The following BBX variants were observed in gnomAD, a reference collection of about 807,000 sequenced individuals.
BBX encodes the protein HMG box transcription factor BBX.
BBX carries 30 observed loss-of-function variants against 100.2 expected under a neutral mutation model. The ratio of observed to expected loss-of-function variants is 0.30; its 90% CI spans 0.22 to 0.41. The LOEUF (loss-of-function observed/expected upper bound fraction) is 0.41, where lower values mean the gene tolerates loss of function less well. BBX is among the 10% of genes least tolerant of loss of function. The pLI is 1.00. For synonymous variants in BBX, 376 were observed against 388.1 expected, an observed-to-expected ratio of 0.97 and a Z score of 0.37; for missense variants, 1,023 against 1,129.8, an observed-to-expected ratio of 0.91 and a Z score of 1.35.
intron 15 of BBX, among the ~76,000 whole-genome samples, chr3:107,796,213 A>G (rs879485534): frequency 1.8e-4 from 28 of 152,160 alleles, no homozygotes; most frequent in Admixed American, 1.3e-3. Flanking sequence ...CCATTACCCC[A>G]TGGTCTCTGT....
chr3:107,649,617 T>C (rs1346986797), intron 3 of BBX, among the ~76,000 whole-genome samples: 1 of 150,892 alleles, frequency 6.6e-6, no homozygotes, highest in African/African-American at 2.4e-5. Context: ...ATACCTCTGA[T>C]AGACATCCGA....
At chr3:107,718,075 T>TA (rs1345662440) in intron 5 of BBX, among the ~76,000 whole-genome samples, 2 of 151,346 alleles carry the variant, frequency 1.3e-5, no homozygotes, top group African/African-American at 2.4e-5. Context: ...CATAAAAATT[T>TA]AAAAAAATAC....
chr3:107,719,251 A>G (rs889131289), intron 5 of BBX, among the ~76,000 whole-genome samples: 1 of 152,006 alleles, frequency 6.6e-6, no homozygotes, highest in East Asian at 1.9e-4. Context: ...GACGTTGTCC[A>G]TTAGGGTGCA....
intron 14 of BBX, among the ~76,000 whole-genome samples, chr3:107,790,747 C>T (rs1035121013): frequency 5.3e-5 from 8 of 152,132 alleles, no homozygotes; most frequent in Non-Finnish European, 1.0e-4. Context: ...TGAAGCATTC[C>T]GTGTTTCTTG....
chr3:107,571,252 C>A (rs2051336837), intron 2 of BBX, among the ~76,000 whole-genome samples: 1 of 152,024 alleles, frequency 6.6e-6, no homozygotes, highest in Admixed American at 6.6e-5. Context: ...AAGCAGGTGT[C>A]CCCGCAATTG....
chr3:107,577,061 G>A (rs935153698), intron 2 of BBX, among the ~76,000 whole-genome samples: 3 of 151,980 alleles, frequency 2.0e-5, no homozygotes, highest in African/African-American at 7.2e-5. Context: ...GGGTTTCACC[G>A]TCTTGGCCAG....
intron 10 of BBX, among the ~76,000 whole-genome samples, chr3:107,768,890 G>T (rs2066612905): frequency 1.3e-5 from 2 of 151,074 alleles, no homozygotes; most frequent in African/African-American, 2.4e-5. Context: ...AGATGCAGTG[G>T]CACATGCCTG....
At chr3:107,528,354 G>T (rs970868683) in intron 2 of BBX, among the ~76,000 whole-genome samples, 3 of 152,124 alleles carry the variant, frequency 2.0e-5, no homozygotes, top group Non-Finnish European at 4.4e-5. Context: ...TTTAATGCTA[G>T]CTATTGAAAA....
rs1382927983 is a variant in BBX at position 107,613,214 on chromosome 3, G to A, written c.-83-32622G>A. Among the ~76,000 whole-genome samples, 6 of 149,046 alleles carry A rather than the reference G, an allele frequency of 4.0e-5. No homozygotes were observed. The East Asian group carries it at 9.8e-4, about 24-fold the overall frequency. Reference sequence around the variant, plus strand: ...ATTTTTTTTTTTTTTTTGAGATGGAGTCTCGCTCTGTCGCCCAGGCTGGAG... The same window carrying A: ...ATTTTTTTTTTTTTTTTGAGATGGAATCTCGCTCTGTCGCCCAGGCTGGAG... On this transcript the variant is annotated intron_variant, in intron 2 of 17. Transcript: ENST00000325805.
chr3:107,758,537 A>G (rs2107688876), intron 10 of BBX, among the ~76,000 whole-genome samples: 1 of 152,208 alleles, frequency 6.6e-6, no homozygotes, highest in Non-Finnish European at 1.5e-5. Flanking sequence ...GGGACCTCTG[A>G]GGTGTGCCTG....
At chr3:107,650,333 A>T (rs1388237309) in intron 3 of BBX, among the ~76,000 whole-genome samples, 2 of 151,966 alleles carry the variant, frequency 1.3e-5, no homozygotes, top group East Asian at 3.9e-4. Context: ...CATGCTCCTT[A>T]TGAGAATCTA....
intron 3 of BBX, among the ~76,000 whole-genome samples, chr3:107,653,577 C>T (rs2057969438): frequency 6.6e-6 from 1 of 152,130 alleles, no homozygotes; most frequent in Admixed American, 6.5e-5. Context: ...TCTTGTATAA[C>T]CTGCTTAATT....
intron 9 of BBX, among the ~76,000 whole-genome samples, chr3:107,752,122 G>C (rs888103092): frequency 6.6e-6 from 1 of 152,158 alleles, no homozygotes; most frequent in Admixed American, 6.5e-5. Flanking sequence ...TTACCTTGAA[G>C]ACACAGCTAA....
intron 2 of BBX, among the ~76,000 whole-genome samples, chr3:107,552,928 C>T (rs2049811342): frequency 6.6e-6 from 1 of 152,300 alleles, no homozygotes; most frequent in South Asian, 2.1e-4. Flanking sequence ...CATTTTTAGT[C>T]ATTTTTGCTG....
At chr3:107,577,672 T>G (rs2051898775) in intron 2 of BBX, among the ~76,000 whole-genome samples, 1 of 152,136 alleles carries the variant, frequency 6.6e-6, no homozygotes, top group Admixed American at 6.5e-5. Context: ...CAATTGATAA[T>G]AAATAGTAAA....
At chr3:107,585,214 T>C (rs683035) in intron 2 of BBX, among the ~76,000 whole-genome samples, 115,845 of 151,926 alleles carry the variant, frequency 0.76, 45,485 homozygotes, top group Middle Eastern at 0.84. Context: ...TGCGATGATG[T>C]GGAGAGGTGT....
At chr3:107,576,909 G>GAT (rs2051825747) in intron 2 of BBX, among the ~76,000 whole-genome samples, 1 of 152,082 alleles carries the variant, frequency 6.6e-6, no homozygotes, top group South Asian at 2.1e-4. Context: ...TCTCCAGGCT[G>GAT]TAGTGCATTG....
At chr3:107,618,241 T>C (rs1559880194) in intron 2 of BBX, among the ~76,000 whole-genome samples, 2 of 152,080 alleles carry the variant, frequency 1.3e-5, no homozygotes, top group Admixed American at 6.5e-5. Context: ...CGTTGTATAA[T>C]TTCTTTTAGA....
At chr3:107,776,201 T>A (rs2067307816) in intron 12 of BBX, 1 of 152,112 alleles carries the variant, frequency 6.6e-6, no homozygotes, top group Admixed American at 6.6e-5. Flanking sequence ...CCTAGGGGAA[T>A]AAAGCAAGCA....
Sources: gnomAD v4.1 joint callset for allele counts (sites outside exome capture counted in the v4.1 genomes callset) on GRCh38, gnomAD v4.1.1 for gene constraint, MANE v1.5 for transcripts, NCBI Gene and HGNC (gene_info 2026-07-23, HGNC 2026-07-21) for gene names.